The following ANKH variants were observed in gnomAD, a reference collection of about 807,000 sequenced individuals.
ANKH encodes the protein ANKH inorganic pyrophosphate transport regulator, also known as mineralization regulator ANKH.
In ANKH, 15 loss-of-function variants were observed where a neutral mutation model predicts 49.0. The ratio of observed to expected loss-of-function variants is 0.31; its 90% CI spans 0.20 to 0.47. The LOEUF is 0.47. ANKH is among the 20% of genes least tolerant of loss of function. ANKH has a pLI of 1.00. For synonymous variants in ANKH, 273 were observed against 260.0 expected, an observed-to-expected ratio of 1.05 and a Z score of -0.48; for missense variants, 429 against 652.0, an observed-to-expected ratio of 0.66 and a Z score of 3.72.
intron 8 of ANKH, among the ~76,000 whole-genome samples, chr5:14,723,799 C>T (rs1737742147): frequency 6.6e-6 from 1 of 152,240 alleles, no homozygotes; most frequent in South Asian, 2.1e-4. Context: ...ACATTCATTT[C>T]TAGTAGAGTG....
chr5:14,767,594 A>T (rs1292063154), intron 2 of ANKH, among the ~76,000 whole-genome samples: 2 of 152,188 alleles, frequency 1.3e-5, no homozygotes, highest in African/African-American at 2.4e-5. Context: ...ATAACACGGG[A>T]TGCTTAGCTT....
In ANKH at chr5:14,745,211, T is replaced by C. The variant is rs1738493247; in HGVS notation, c.915+659A>G. Among the ~76,000 whole-genome samples the C allele has an allele frequency of 7.0e-6, 1 of 143,058 alleles. No individual in the cohort carries two copies. The highest frequency in any genetic ancestry group is 1.5e-5 in the Non-Finnish European group (1 of 66,278). 93.9% of individuals were successfully genotyped at this position (143,058 alleles called of 152,430 possible). The stretch of plus-strand genomic sequence containing the variant: ...TTTTTGGAGTATGTTTCACCAGCCA[T>C]TTGTTTTAGAGTATTAAAAAAAGTC... On this transcript the variant is annotated intron_variant, in intron 7 of 11. Coordinates refer to ENST00000284268, the MANE Select transcript of ANKH (RefSeq NM_054027.6). This position sits in a 1 kb window ranked among gnomAD's most constrained non-coding sequence, Gnocchi z 4.7.
intron 9 of ANKH, among the ~76,000 whole-genome samples, chr5:14,714,067 G>A (rs1459380607): frequency 6.6e-6 from 1 of 152,270 alleles, no homozygotes; most frequent in Non-Finnish European, 1.5e-5. Flanking sequence ...GAGCAGAAAA[G>A]CTGGCATCAG....
chr5:14,718,834 C>G (rs1313882658), intron 8 of ANKH, among the ~76,000 whole-genome samples: 1 of 144,258 alleles, frequency 6.9e-6, no homozygotes, highest in Non-Finnish European at 1.5e-5. Flanking sequence ...ACACCACCCC[C>G]CCCCCAAAAA....
chr5:14,733,181 C>T (rs564033758), intron 8 of ANKH, among the ~76,000 whole-genome samples: 9 of 152,302 alleles, frequency 5.9e-5, no homozygotes, highest in African/African-American at 1.9e-4. Context: ...GAGCAGGTTT[C>T]GAGGCACTGT....
chr5:14,871,687 A>C lies in ANKH; in HGVS notation c.-240T>G, dbSNP rs1735835897. On this transcript the variant is annotated 5_prime_UTR_variant, in exon 1 of 12. Coordinates refer to ENST00000284268, the MANE Select transcript of ANKH (RefSeq NM_054027.6). ...CATCCCTGCTGCCCTCCCACACAAC[A>C]AAGATCTGCCGGGAAAAAAAAGAGG... The C allele has an allele frequency of 6.2e-6, 1 of 160,760 alleles. No homozygotes were observed. Among genetic ancestry groups the C allele is most frequent in the Non-Finnish European group, 1.3e-5 (1 of 76,196 alleles). 10.0% of individuals were successfully genotyped at this position (160,760 alleles called of 1,614,324 possible). A position where few individuals can be genotyped will look rare whatever the true frequency, so the allele number is the denominator to read the frequency against.
At chr5:14,762,065 C>G (rs1739104448) in intron 2 of ANKH, among the ~76,000 whole-genome samples, 1 of 152,122 alleles carries the variant, frequency 6.6e-6, no homozygotes, top group Non-Finnish European at 1.5e-5. Flanking sequence ...GCACCCAGCC[C>G]CTTTTGCCTT....
chr5:14,802,692 C>G (rs1053308721), intron 1 of ANKH, among the ~76,000 whole-genome samples: 3 of 152,082 alleles, frequency 2.0e-5, no homozygotes, highest in Non-Finnish European at 4.4e-5. Flanking sequence ...TTCCCTCCCC[C>G]TCAGCCATCC....
intron 8 of ANKH, among the ~76,000 whole-genome samples, chr5:14,721,511 C>T (rs1737657478): frequency 6.6e-6 from 1 of 152,234 alleles, no homozygotes; most frequent in Non-Finnish European, 1.5e-5. Flanking sequence ...GTCTCTGAAG[C>T]TCTTGCTATG....
intron 1 of ANKH, among the ~76,000 whole-genome samples, chr5:14,844,725 C>T (rs1384223082): frequency 6.6e-6 from 1 of 152,168 alleles, no homozygotes; most frequent in Admixed American, 6.5e-5. Context: ...GCTGTAGATT[C>T]GGGATTTGCT....
chr5:14,764,077 A>AAAATAAATAAATAAAT (rs144437805), intron 2 of ANKH, among the ~76,000 whole-genome samples: 70,170 of 146,724 alleles, frequency 0.48, 16,776 homozygotes, highest in East Asian at 0.72. Context: ...GACAGAACGG[A>AAAATAAATAAATAAAT]AAATAAATAA....
At chr5:14,734,279 C>T (rs931257412) in intron 8 of ANKH, among the ~76,000 whole-genome samples, 2 of 151,492 alleles carry the variant, frequency 1.3e-5, no homozygotes, top group African/African-American at 4.9e-5. Flanking sequence ...TTTAAATTAG[C>T]CAATCGGAAT....
chr5:14,717,300 ATAT>A lies in ANKH; in HGVS notation c.1012-468_1012-466del, dbSNP rs959965315. ...ATCAGCACACATAATGAAAAGGGAA[ATAT>A]TAGTATTTAGAGTAAGGATCAGCCT... is the stretch of plus-strand genomic sequence containing the variant. On this transcript the variant is annotated intron_variant, in intron 8 of 11. Coordinates refer to ENST00000284268, the MANE Select transcript of ANKH (RefSeq NM_054027.6). 7.9e-5 allele frequency among the ~76,000 whole-genome samples: 12 copies of A among 152,392 alleles called. 1 individual carries two copies. The East Asian group carries it at 2.3e-3, about 29-fold the overall frequency.
At chr5:14,807,052 A>C (rs1740728012) in intron 1 of ANKH, among the ~76,000 whole-genome samples, 1 of 151,986 alleles carries the variant, frequency 6.6e-6, no homozygotes, top group African/African-American at 2.4e-5. Flanking sequence ...TAACTGCCAC[A>C]AAGAGTCCTA....
intron 2 of ANKH, among the ~76,000 whole-genome samples, chr5:14,764,097 A>AAATAAATAAATAAATAAAT (rs1561044514): frequency 0.012 from 926 of 78,072 alleles, 11 homozygotes; most frequent in African/African-American, 0.039. Context: ...AATAAATAAA[A>AAATAAATAAATAAATAAAT]ATAAAAAAAG....
Position 14,706,132 on chromosome 5 carries a change from A to G in ANKH, c.*5065T>C, listed in dbSNP as rs1736938426. On this transcript the variant is annotated 3_prime_UTR_variant, in exon 12 of 12. Transcript: ENST00000284268. Reference sequence around the variant, plus strand: ...CTAGTTCTTGTGTGCTTTTGTTTACATATACATATTGTAGACGCTAATGTC... The same window carrying G: ...CTAGTTCTTGTGTGCTTTTGTTTACGTATACATATTGTAGACGCTAATGTC... 6.6e-6 allele frequency: 1 copy of G among 152,216 alleles called. No individual in the cohort carries two copies. 9.4% of individuals were successfully genotyped at this position (152,216 alleles called of 1,614,324 possible).
intron 1 of ANKH, among the ~76,000 whole-genome samples, chr5:14,796,598 T>C (rs942523007): frequency 2.0e-5 from 3 of 152,094 alleles, no homozygotes; most frequent in African/African-American, 7.2e-5. Context: ...TGTTTTGACT[T>C]AACTGAAGAA....
rs1235976053 is a variant in ANKH, at chr5:14,725,347, A to G, written c.1012-8512T>C. The stretch of plus-strand genomic sequence containing the variant: ...TGGACTGGTCCACACTGAGATAAGC[A>G]GTTGACTCCATAAAGTAAATCGATG... On this transcript the variant is annotated intron_variant, in intron 8 of 11. Coordinates refer to ENST00000284268, the MANE Select transcript of ANKH (RefSeq NM_054027.6). The surrounding 1 kb of genome is among the most constrained non-coding windows in gnomAD (Gnocchi z 4.0). 6.6e-6 allele frequency among the ~76,000 whole-genome samples: 1 copy of G among 152,240 alleles called. No homozygotes were observed. Among genetic ancestry groups the G allele is most frequent in the African/African-American group, 2.4e-5 (1 of 41,466 alleles).
intron 6 of ANKH, among the ~76,000 whole-genome samples, chr5:14,748,493 G>A (rs1174634904): frequency 6.6e-6 from 1 of 152,246 alleles, no homozygotes; most frequent in Non-Finnish European, 1.5e-5. Flanking sequence ...AGAGGGCAGT[G>A]GAGGAGGAAG....
Sources: gnomAD v4.1 joint callset for allele counts (sites outside exome capture counted in the v4.1 genomes callset) on GRCh38, gnomAD v4.1.1 for gene constraint, Gnocchi (gnomAD v3.1) non-coding constraint, MANE v1.5 for transcripts, NCBI Gene and HGNC (gene_info 2026-07-23, HGNC 2026-07-21) for gene names.